Variants in EXOC6B observed in about 807,000 individuals in gnomAD.
EXOC6B encodes the protein SEC15 homolog B.
EXOC6B carries 54 observed loss-of-function variants against 113.5 expected under a neutral mutation model. That is an observed-to-expected ratio of 0.48 (90% CI 0.38 to 0.60). EXOC6B has a LOEUF of 0.60. EXOC6B is among the 20% of genes least tolerant of loss of function. The pLI, the probability that EXOC6B is intolerant of heterozygous loss-of-function variation, is 0.00. For missense variants in EXOC6B, 797 were observed against 977.5 expected (o/e 0.82, Z 2.46); for synonymous variants, 357 against 339.0 (o/e 1.05, Z -0.58).
chr2:72,693,798 T>C (rs1677672084), intron 6 of EXOC6B, among the ~76,000 whole-genome samples: 1 of 152,180 alleles, frequency 6.6e-6, no homozygotes, highest in African/African-American at 2.4e-5. Context: ...TACTTCCCTA[T>C]TTATCTACTT....
intron 19 of EXOC6B, among the ~76,000 whole-genome samples, chr2:72,369,195 A>G (rs1281289808): frequency 6.6e-6 from 1 of 152,196 alleles, no homozygotes; most frequent in East Asian, 1.9e-4. Flanking sequence ...ATGTGCAAAA[A>G]TCACAAGCAT....
rs140250668 is a variant in EXOC6B at position 72,326,810 on chromosome 2, C to G, written c.2196+8137G>C. Among the ~76,000 whole-genome samples the G allele has an allele frequency of 5.3e-4, 80 of 151,738 alleles. 2 individuals are homozygous for G. Among genetic ancestry groups the G allele is most frequent in the African/African-American group, 1.9e-3 (77 of 41,400 alleles). The stretch of plus-strand genomic sequence containing the variant: ...TGGCAAAACCGCAATTACTTTTGCA[C>G]CAACATAATATACTCTGGTGGAACC... On this transcript the variant is annotated intron_variant, in intron 20 of 21. Transcript: ENST00000272427.
rs570281955 is a variant in EXOC6B, at chr2:72,362,447, A to G, written c.2122+17282T>C. Among the ~76,000 whole-genome samples, 4 of 152,272 alleles carry G rather than the reference A, an allele frequency of 2.6e-5. No homozygotes were observed. In the South Asian group the frequency reaches 6.2e-4, roughly 24 times the overall value. On this transcript the variant is annotated intron_variant, in intron 19 of 21. Transcript: ENST00000272427. ...TATGAAAGAAAACACATAAAGGCAT[A>G]TACATAAAGAAATAATTATAATTAA... is the stretch of plus-strand genomic sequence containing the variant.
chr2:72,375,000 A>T (rs1006735595), intron 19 of EXOC6B, among the ~76,000 whole-genome samples: 1 of 151,974 alleles, frequency 6.6e-6, no homozygotes, highest in Non-Finnish European at 1.5e-5. Context: ...ACACAAGGTC[A>T]TAAGGAAGTT....
chr2:72,237,677 G>A (rs952978053), intron 20 of EXOC6B, among the ~76,000 whole-genome samples: 3 of 152,104 alleles, frequency 2.0e-5, no homozygotes, highest in East Asian at 1.9e-4. Flanking sequence ...TTGCCAGTTC[G>A]TGTCGGACTT....
At chr2:72,649,576 C>G (rs1379854662) in intron 6 of EXOC6B, among the ~76,000 whole-genome samples, 1 of 151,690 alleles carries the variant, frequency 6.6e-6, no homozygotes, top group Non-Finnish European at 1.5e-5. Flanking sequence ...TTTTTAAAAA[C>G]TAAATAAATA....
intron 6 of EXOC6B, among the ~76,000 whole-genome samples, chr2:72,631,841 C>G (rs990475025): frequency 2.0e-5 from 3 of 152,002 alleles, no homozygotes; most frequent in African/African-American, 7.2e-5. Flanking sequence ...GACACCAAAC[C>G]TGTAAAAGAA....
chr2:72,612,909 G>A (rs1671164465), intron 6 of EXOC6B, among the ~76,000 whole-genome samples: 1 of 152,150 alleles, frequency 6.6e-6, no homozygotes, highest in African/African-American at 2.4e-5. Context: ...CTTATTGGAT[G>A]TCTTTAAAGA....
chr2:72,617,450 G>A (rs1671458999), intron 6 of EXOC6B, among the ~76,000 whole-genome samples: 1 of 151,714 alleles, frequency 6.6e-6, no homozygotes, highest in Admixed American at 6.6e-5. Context: ...TTCTGCCTGG[G>A]CATCCAGGTA....
intron 17 of EXOC6B, among the ~76,000 whole-genome samples, chr2:72,467,205 A>G (rs1698111648): frequency 6.6e-6 from 1 of 152,222 alleles, no homozygotes; most frequent in Non-Finnish European, 1.5e-5. Flanking sequence ...TTCTGTATAC[A>G]TACTACATTT....
At chr2:72,579,013 G>A (rs1206229026) in intron 6 of EXOC6B, among the ~76,000 whole-genome samples, 3 of 152,114 alleles carry the variant, frequency 2.0e-5, no homozygotes, top group Non-Finnish European at 4.4e-5. Context: ...AGGAGTCAAG[G>A]AGTGGTCAAC....
intron 8 of EXOC6B, among the ~76,000 whole-genome samples, chr2:72,518,628 T>C (rs1701337517): frequency 6.6e-6 from 1 of 151,926 alleles, no homozygotes; most frequent in African/African-American, 2.4e-5. Flanking sequence ...GGGAAAAAAG[T>C]GTTCCTGGAG....
chr2:72,420,828 G>A (rs1170328142), intron 18 of EXOC6B, among the ~76,000 whole-genome samples: 2 of 152,126 alleles, frequency 1.3e-5, no homozygotes, highest in African/African-American at 4.8e-5. Flanking sequence ...TTCCACAATG[G>A]TTGAACTAAT....
chr2:72,819,953 C>T (rs1179133726), intron 1 of EXOC6B, among the ~76,000 whole-genome samples: 1 of 151,980 alleles, frequency 6.6e-6, no homozygotes, highest in African/African-American at 2.4e-5. Flanking sequence ...TTAAAGAGAG[C>T]CATGGACCTA....
intron 18 of EXOC6B, among the ~76,000 whole-genome samples, chr2:72,450,313 G>C (rs1339712505): frequency 6.6e-6 from 1 of 152,148 alleles, no homozygotes; most frequent in Non-Finnish European, 1.5e-5. Context: ...CGGACTAAAA[G>C]CATTTAAGCC....
intron 19 of EXOC6B, among the ~76,000 whole-genome samples, chr2:72,357,160 T>C (rs1690011785): frequency 6.6e-6 from 1 of 152,232 alleles, no homozygotes; most frequent in African/African-American, 2.4e-5. Context: ...AGGGTAAGTA[T>C]AGTACAGTAA....
intron 8 of EXOC6B, among the ~76,000 whole-genome samples, chr2:72,551,935 T>C (rs1703256779): frequency 6.6e-6 from 1 of 152,260 alleles, no homozygotes; most frequent in South Asian, 2.1e-4. Flanking sequence ...TTAACTTTTA[T>C]ACATCCTTGC....
At chr2:72,631,302 A>C (rs1558861761) in intron 6 of EXOC6B, among the ~76,000 whole-genome samples, 1 of 151,224 alleles carries the variant, frequency 6.6e-6, no homozygotes, top group Non-Finnish European at 1.5e-5. Flanking sequence ...TCAAAGATAA[A>C]TTATCCATAA....
chr2:72,600,441 C>CAAAAAAAAAAA (rs57908608), intron 6 of EXOC6B, among the ~76,000 whole-genome samples: 1 of 87,474 alleles, frequency 1.1e-5, no homozygotes, highest in Non-Finnish European at 2.2e-5. Context: ...GACCTTATCT[C>CAAAAAAAAAAA]AAAAAAAAAA....
Sources: allele counts gnomAD v4.1 joint callset (sites outside exome capture counted in the v4.1 genomes callset), GRCh38; gene constraint gnomAD v4.1.1; transcripts MANE v1.5; gene names NCBI Gene and HGNC (gene_info 2026-07-23, HGNC 2026-07-21).